Variants in KCND2 observed in about 807,000 individuals in gnomAD.
KCND2 encodes the protein potassium voltage-gated channel subfamily D member 2.
KCND2 carries 16 observed loss-of-function variants against 54.4 expected under a neutral mutation model. The ratio of observed to expected loss-of-function variants is 0.29; its 90% confidence interval spans 0.20 to 0.45. KCND2 has a LOEUF of 0.45. Among genes scored for constraint, KCND2 ranks in the 20% least tolerant of loss-of-function variants. The pLI is 1.00. For missense variants in KCND2, 486 were observed against 824.2 expected (o/e 0.59, Z 5.02); for synonymous variants, 317 against 310.7 (o/e 1.02, Z -0.21).
chr7:120,725,572 T>G (rs1373296468), intron 1 of KCND2, among the ~76,000 whole-genome samples: 2 of 152,210 alleles, frequency 1.3e-5, no homozygotes, highest in African/African-American at 4.8e-5. Context: ...CGCTCTCAGC[T>G]TGTGAAAACC....
chr7:120,605,066 T>C (rs1773460934), intron 1 of KCND2, among the ~76,000 whole-genome samples: 1 of 152,240 alleles, frequency 6.6e-6, no homozygotes, highest in South Asian at 2.1e-4. Context: ...CATCAGTACA[T>C]ATAAGTCTGC....
At chr7:120,645,579 T>C (rs538301941) in intron 1 of KCND2, among the ~76,000 whole-genome samples, 1 of 152,326 alleles carries the variant, frequency 6.6e-6, no homozygotes, top group East Asian at 1.9e-4. Flanking sequence ...ACATAACATG[T>C]GGCATGCTAA....
At chr7:120,500,795 A>G (rs968870913) in intron 1 of KCND2, among the ~76,000 whole-genome samples, 2 of 150,080 alleles carry the variant, frequency 1.3e-5, no homozygotes, top group Non-Finnish European at 3.0e-5. Context: ...GATTTAAATT[A>G]TATTTATTTA....
intron 1 of KCND2, among the ~76,000 whole-genome samples, chr7:120,602,685 G>T (rs1302477137): frequency 6.6e-6 from 1 of 152,160 alleles, no homozygotes; most frequent in Non-Finnish European, 1.5e-5. Context: ...TCAGCCTCAA[G>T]AAATAACTAC....
intron 2 of KCND2, among the ~76,000 whole-genome samples, chr7:120,736,328 A>G (rs1224326884): frequency 2.0e-5 from 3 of 152,020 alleles, no homozygotes; most frequent in African/African-American, 7.2e-5. Context: ...TCTATCAATC[A>G]TTGATAAAGT....
At chr7:120,680,732 A>C (rs955145965) in intron 1 of KCND2, among the ~76,000 whole-genome samples, 13 of 152,118 alleles carry the variant, frequency 8.5e-5, no homozygotes, top group African/African-American at 3.1e-4. Flanking sequence ...CTTTGGGAGA[A>C]GGGAATTTGT....
intron 1 of KCND2, among the ~76,000 whole-genome samples, chr7:120,567,830 T>C (rs1420439550): frequency 6.6e-6 from 1 of 152,102 alleles, no homozygotes; most frequent in African/African-American, 2.4e-5. Flanking sequence ...AAACGAATCT[T>C]TAGGGAATAA....
At chr7:120,621,117 A>G (rs1793092226) in intron 1 of KCND2, among the ~76,000 whole-genome samples, 1 of 151,672 alleles carries the variant, frequency 6.6e-6, no homozygotes, top group Admixed American at 6.6e-5. Context: ...TACTAAAAAT[A>G]CAAAAATTAG....
In KCND2 at chr7:120,274,243, A is replaced by G. The variant is rs1799137622; in HGVS notation, c.-390A>G. ...GACTCTCGTTCGTCTTCTCTATCCTACACTCCACATACTGACCCTATATTA... is the reference window on the plus strand; with the variant it reads ...GACTCTCGTTCGTCTTCTCTATCCTGCACTCCACATACTGACCCTATATTA... On this transcript the variant is annotated 5_prime_UTR_variant, in exon 1 of 6. Transcript: ENST00000331113. 8 of 297,330 alleles carry G rather than the reference A, an allele frequency of 2.7e-5. No homozygotes were observed. The highest frequency in any genetic ancestry group is 4.4e-5 in the Non-Finnish European group (7 of 158,036). The allele number at this position is 297,330 out of a possible 1,614,324, so 18.4% of individuals were successfully genotyped here.
At chr7:120,288,554 G>A (rs1041124748) in intron 1 of KCND2, among the ~76,000 whole-genome samples, 1 of 152,174 alleles carries the variant, frequency 6.6e-6, no homozygotes, top group South Asian at 2.1e-4. Context: ...TTTCATGGAT[G>A]TTAGCTTGTC....
intron 1 of KCND2, among the ~76,000 whole-genome samples, chr7:120,428,472 C>T (rs918974155): frequency 4.6e-5 from 7 of 152,170 alleles, no homozygotes; most frequent in Non-Finnish European, 8.8e-5. Context: ...CTCAAAGAGA[C>T]ACCATGACTA....
Position 120,691,106 on chromosome 7 carries a change from C to T in KCND2, c.1116-41797C>T, listed in dbSNP as rs1038758642. On this transcript the variant is annotated intron_variant, in intron 1 of 5. Transcript: ENST00000331113. ...AGGAACAGCCAAGGAGTTGTGCTAACACTGAGTGGGCCAGGGAGTTAACCA... is the reference window on the plus strand; with the variant it reads ...AGGAACAGCCAAGGAGTTGTGCTAATACTGAGTGGGCCAGGGAGTTAACCA... Among the ~76,000 whole-genome samples, 22 of 152,208 alleles carry T rather than the reference C, an allele frequency of 1.4e-4. 1 individual carries two copies. The highest frequency in any genetic ancestry group is 5.1e-4 in the African/African-American group (21 of 41,454).
chr7:120,400,268 AT>A (rs1563033869), intron 1 of KCND2, among the ~76,000 whole-genome samples: 2 of 152,190 alleles, frequency 1.3e-5, no homozygotes, highest in South Asian at 4.1e-4. Context: ...GGGTTCTACA[AT>A]AAGGAGGAGT....
intron 1 of KCND2, among the ~76,000 whole-genome samples, chr7:120,702,963 G>A (rs970853234): frequency 1.3e-5 from 2 of 152,156 alleles, no homozygotes; most frequent in Non-Finnish European, 1.5e-5. Flanking sequence ...TGCCTGGGAA[G>A]TAGTAGTAAT....
intron 1 of KCND2, among the ~76,000 whole-genome samples, chr7:120,679,177 C>T (rs1309781566): frequency 1.3e-5 from 2 of 151,838 alleles, no homozygotes; most frequent in East Asian, 1.9e-4. Context: ...TTGAAAGAAA[C>T]AATGAAAATG....
chr7:120,312,426 C>T (rs1024481356), intron 1 of KCND2, among the ~76,000 whole-genome samples: 7 of 151,950 alleles, frequency 4.6e-5, no homozygotes, highest in African/African-American at 7.3e-5. Context: ...CTGGGTCAAA[C>T]GATATACAAC....
chr7:120,588,597 C>T (rs1006517851), intron 1 of KCND2, among the ~76,000 whole-genome samples: 1 of 152,092 alleles, frequency 6.6e-6, no homozygotes, highest in African/African-American at 2.4e-5. Context: ...GAGGATGAAA[C>T]TCGATTCTGT....
At chr7:120,692,822 T>C (rs1359063442) in intron 1 of KCND2, among the ~76,000 whole-genome samples, 2 of 152,210 alleles carry the variant, frequency 1.3e-5, no homozygotes, top group Non-Finnish European at 2.9e-5. Context: ...TCAGCTCTAC[T>C]CATTAAGATG....
chr7:120,479,026 AC>A (rs1562850131), intron 1 of KCND2, among the ~76,000 whole-genome samples: 1 of 152,142 alleles, frequency 6.6e-6, no homozygotes, highest in Non-Finnish European at 1.5e-5. Context: ...TATTTTCTGC[AC>A]CTTTGCTGTA....
Sources: gnomAD v4.1 joint callset for allele counts (sites outside exome capture counted in the v4.1 genomes callset) on GRCh38, gnomAD v4.1.1 for gene constraint, MANE v1.5 for transcripts, NCBI Gene and HGNC (gene_info 2026-07-23, HGNC 2026-07-21) for gene names.